MAD1L1: variants seen among roughly 807,000 people sequenced by gnomAD.
MAD1L1 encodes mitotic arrest deficient 1 like 1.
MAD1L1 carries 95 observed loss-of-function variants against 96.9 expected under a neutral mutation model. That is an observed-to-expected ratio of 0.98 (90% confidence interval 0.83 to 1.16). The LOEUF is 1.16. Among genes scored for constraint, MAD1L1 ranks in the 50% most tolerant of loss-of-function variants. The pLI is 0.00. For synonymous variants in MAD1L1, 473 were observed against 396.6 expected, an observed-to-expected ratio of 1.19 and a Z score of -2.29; for missense variants, 1,007 against 954.4, an observed-to-expected ratio of 1.06 and a Z score of -0.73.
rs191501444 is a variant in MAD1L1, at chr7:2,179,459, T to C, written c.987-30221A>G. 3.8e-4 allele frequency among the ~76,000 whole-genome samples: 54 copies of C among 140,638 alleles called. 1 individual carries two copies. The highest frequency in any genetic ancestry group is 1.4e-3 in the African/African-American group (52 of 37,344). The allele number at this position is 140,638 out of a possible 152,430, so 92.3% of individuals were successfully genotyped here. The stretch of plus-strand genomic sequence containing the variant: ...AGGAGAATCACTTGAACCCGGGAGG[T>C]AGAGGTTGCAGTGAGCCAAGATCGC... On this transcript the variant is annotated intron_variant, in intron 10 of 18. Coordinates refer to ENST00000265854, the MANE Select transcript of MAD1L1 (RefSeq NM_001013836.2).
chr7:2,098,789 G>T (rs573811419), intron 11 of MAD1L1, among the ~76,000 whole-genome samples: 4 of 152,158 alleles, frequency 2.6e-5, no homozygotes, highest in Admixed American at 6.5e-5. Flanking sequence ...CACACCACAC[G>T]CCAGGCATCA....
intron 10 of MAD1L1, among the ~76,000 whole-genome samples, chr7:2,152,336 G>A (rs898463417): frequency 6.6e-6 from 1 of 152,212 alleles, no homozygotes; most frequent in Non-Finnish European, 1.5e-5. Context: ...GGGCAGCCGT[G>A]CCCAACACCT....
intron 16 of MAD1L1, among the ~76,000 whole-genome samples, chr7:1,946,072 G>A (rs1262445200): frequency 6.6e-6 from 1 of 152,208 alleles, no homozygotes; most frequent in Non-Finnish European, 1.5e-5. Context: ...TGTACACTGG[G>A]GCCAGGAGGC....
chr7:2,033,217 G>A (rs1422488024), intron 12 of MAD1L1, among the ~76,000 whole-genome samples: 2 of 152,248 alleles, frequency 1.3e-5, no homozygotes, highest in Admixed American at 6.5e-5. Flanking sequence ...GAGACAGCCC[G>A]GGTGCTGCAG....
At chr7:2,052,309 T>G (rs1784216171) in intron 12 of MAD1L1, among the ~76,000 whole-genome samples, 1 of 152,180 alleles carries the variant, frequency 6.6e-6, no homozygotes, top group Admixed American at 6.5e-5. Context: ...AGCGGCGTAG[T>G]AGGAGCCCCA....
chr7:2,059,534 G>A (rs1784542339), intron 12 of MAD1L1, among the ~76,000 whole-genome samples: 1 of 150,814 alleles, frequency 6.6e-6, no homozygotes, highest in African/African-American at 2.4e-5. Flanking sequence ...CATGGCCAGG[G>A]GAGAGGAGAG....
At chr7:2,218,847 C>T (rs995113740) in intron 6 of MAD1L1, among the ~76,000 whole-genome samples, 19 of 152,002 alleles carry the variant, frequency 1.2e-4, no homozygotes, top group African/African-American at 3.6e-4. Flanking sequence ...TGCAGTGAGC[C>T]GAGATGGTGC....
chr7:2,107,382 G>A (rs1417120833), intron 11 of MAD1L1: 1 of 152,294 alleles, frequency 6.6e-6, no homozygotes, highest in East Asian at 1.9e-4. Flanking sequence ...ACCTCCCCCT[G>A]AACTACCCAC....
chr7:1,930,882 C>G (rs1483716634), intron 17 of MAD1L1, among the ~76,000 whole-genome samples: 1 of 152,200 alleles, frequency 6.6e-6, no homozygotes, highest in South Asian at 2.1e-4. Context: ...AGGAGACCCA[C>G]CCCTAACCCA....
chr7:2,111,506 T>C (rs1787378935), intron 11 of MAD1L1, among the ~76,000 whole-genome samples: 1 of 151,958 alleles, frequency 6.6e-6, no homozygotes, highest in African/African-American at 2.4e-5. Flanking sequence ...ACAAAAGACT[T>C]GAGAGGAAGC....
chr7:1,893,551 G>A (rs1478934003), intron 18 of MAD1L1, among the ~76,000 whole-genome samples: 1 of 152,076 alleles, frequency 6.6e-6, no homozygotes, highest in Non-Finnish European at 1.5e-5. Context: ...TGGGGCAGGG[G>A]GCCTGTCTCC....
Position 2,146,751 on chromosome 7 carries a change from G to A in MAD1L1, c.1073+2401C>T, listed in dbSNP as rs894115857. 5.3e-5 allele frequency among the ~76,000 whole-genome samples: 8 copies of A among 152,160 alleles called. No individual in the cohort carries two copies. Among genetic ancestry groups the A allele is most frequent in the African/African-American group, 1.4e-4 (6 of 41,424 alleles). On this transcript the variant is annotated intron_variant, in intron 11 of 18. Transcript: ENST00000265854. The surrounding 1 kb of genome is among the most constrained non-coding windows in gnomAD (Gnocchi z 6.2). ...GTGGCCTCCCATCTTCTGCCATGCC[G>A]CCTCCTTCACGCTCATCTGAATTTC...
At position 1,945,736 on chromosome 7, in the gene MAD1L1, C is replaced by T. The variant is rs1010426951; in HGVS notation, c.1597-8839G>A. On this transcript the variant is annotated intron_variant, in intron 16 of 18. Coordinates refer to ENST00000265854, the MANE Select transcript of MAD1L1 (RefSeq NM_001013836.2). ...GCACTCACGCGACCCCTCAGAGGTG[C>T]GGGTAAGGTGGCGGCGCTGGGCCGC... 4.6e-5 allele frequency among the ~76,000 whole-genome samples: 7 copies of T among 152,280 alleles called. No individual in the cohort carries two copies. The South Asian group carries it at 1.0e-3, about 23-fold the overall frequency.
At chr7:1,844,792 G>A (rs1036450059) in intron 18 of MAD1L1, among the ~76,000 whole-genome samples, 17 of 152,338 alleles carry the variant, frequency 1.1e-4, no homozygotes, top group South Asian at 1.0e-3. Context: ...GGAGGGGCGC[G>A]TGGGTACAGT....
At chr7:1,878,212 G>A (rs1785484835) in intron 18 of MAD1L1, among the ~76,000 whole-genome samples, 1 of 151,952 alleles carries the variant, frequency 6.6e-6, no homozygotes, top group Non-Finnish European at 1.5e-5. Flanking sequence ...GCCAAGCCCA[G>A]ATGACCTCAC....
intron 12 of MAD1L1, among the ~76,000 whole-genome samples, chr7:2,060,377 G>A (rs1309555871): frequency 6.6e-6 from 1 of 151,220 alleles, no homozygotes; most frequent in Non-Finnish European, 1.5e-5. Context: ...ATACACCGAT[G>A]CCGAGATGTC....
intron 18 of MAD1L1, among the ~76,000 whole-genome samples, chr7:1,875,817 C>A (rs1249371022): frequency 6.6e-6 from 1 of 152,196 alleles, no homozygotes; most frequent in Non-Finnish European, 1.5e-5. Flanking sequence ...AACCTAATCC[C>A]CATGTGACTG....
intron 17 of MAD1L1, among the ~76,000 whole-genome samples, chr7:1,904,239 C>T (rs531428438): frequency 2.5e-4 from 37 of 145,738 alleles, no homozygotes; most frequent in African/African-American, 8.4e-4. Context: ...GAAGCTCTTG[C>T]GGAACTCATG....
At chr7:2,125,999 G>A (rs1270533009) in intron 11 of MAD1L1, among the ~76,000 whole-genome samples, 1 of 152,248 alleles carries the variant, frequency 6.6e-6, no homozygotes, top group Non-Finnish European at 1.5e-5. Context: ...CGGCCTCCTG[G>A]AGAGGGGTCA....
Sources: allele counts gnomAD v4.1 joint callset (sites outside exome capture counted in the v4.1 genomes callset), GRCh38; gene constraint gnomAD v4.1.1; non-coding constraint Gnocchi (gnomAD v3.1); transcripts MANE v1.5; gene names NCBI Gene and HGNC (gene_info 2026-07-23, HGNC 2026-07-21).